The following ITGA9 variants were observed in gnomAD, a reference collection of about 807,000 sequenced individuals.
ITGA9 encodes integrin alpha-9.
In ITGA9, 56 loss-of-function variants were observed where a neutral mutation model predicts 127.8. That is an observed-to-expected ratio of 0.44 (90% CI 0.35 to 0.55). The LOEUF (loss-of-function observed/expected upper bound fraction) is 0.55. ITGA9 is among the 20% of genes least tolerant of loss of function. ITGA9 has a pLI of 0.00. For missense variants in ITGA9, 1,196 were observed against 1,347.1 expected, an observed-to-expected ratio of 0.89 and a Z score of 1.76; for synonymous variants, 508 against 514.5, an observed-to-expected ratio of 0.99 and a Z score of 0.17.
chr3:37,675,255 A>G (rs1386056561), intron 17 of ITGA9, among the ~76,000 whole-genome samples: 2 of 152,084 alleles, frequency 1.3e-5, no homozygotes, highest in Non-Finnish European at 2.9e-5. Context: ...CCCTCATCCC[A>G]CAAATGGGAT....
chr3:37,481,589 C>A lies in ITGA9; in HGVS notation c.526C>A (p.Leu176Met). ...PSNLQAKGRT[L>M]IPCYEEYKKK... ...CAACCTCCAGGCCAAAGGCAGGACGCTGATCCCTTGCTATGAAGGTGAGCA... is the reference window on the plus strand; with the variant it reads ...CAACCTCCAGGCCAAAGGCAGGACGATGATCCCTTGCTATGAAGGTGAGCA... The change falls in exon 4 of 28, where the codon CTG becomes ATG. Residue 176 changes from leucine (L) to methionine (M), a missense_variant. By Grantham distance (15) the Leu-to-Met change is conservative. Coordinates refer to ENST00000264741, the MANE Select transcript of ITGA9 (RefSeq NM_002207.3). 1.2e-6 allele frequency: 2 copies of A among 1,614,226 alleles called. No homozygotes were observed. Among genetic ancestry groups the A allele is most frequent in the Non-Finnish European group, 1.7e-6 (2 of 1,180,024 alleles).
At chr3:37,654,224 A>ACACACACC (rs1167356893) in intron 17 of ITGA9, among the ~76,000 whole-genome samples, 6 of 151,392 alleles carry the variant, frequency 4.0e-5, no homozygotes, top group Admixed American at 1.3e-4. Flanking sequence ...ACACACACAC[A>ACACACACC]CACACACTAG....
At chr3:37,721,680 G>A (rs1032085855) in intron 18 of ITGA9, among the ~76,000 whole-genome samples, 3 of 152,188 alleles carry the variant, frequency 2.0e-5, no homozygotes, top group Admixed American at 6.5e-5. Context: ...TGGTTCCCTC[G>A]GAGTGTTCGT....
chr3:37,609,230 G>A (rs1215595123), intron 15 of ITGA9, among the ~76,000 whole-genome samples: 2 of 151,998 alleles, frequency 1.3e-5, no homozygotes, highest in African/African-American at 2.4e-5. Flanking sequence ...TCTATAGAAT[G>A]TTCTACCCTT....
At chr3:37,459,188 A>G (rs1163305454) in intron 1 of ITGA9, among the ~76,000 whole-genome samples, 1 of 152,254 alleles carries the variant, frequency 6.6e-6, no homozygotes, top group Non-Finnish European at 1.5e-5. Context: ...TATTCAGTAG[A>G]TGTCAAGTGC....
intron 10 of ITGA9, among the ~76,000 whole-genome samples, chr3:37,517,990 T>C (rs12054441): frequency 0.052 from 7,942 of 152,282 alleles, 270 homozygotes; most frequent in East Asian, 0.095. Flanking sequence ...TGCTCCATCA[T>C]GCTCTACCAT....
chr3:37,495,917 A>G (rs986483477), intron 5 of ITGA9, among the ~76,000 whole-genome samples: 1 of 152,170 alleles, frequency 6.6e-6, no homozygotes, highest in Non-Finnish European at 1.5e-5. Context: ...TTCCCAGTCC[A>G]TGGAGGATTA....
At chr3:37,484,426 G>C (rs1698588846) in intron 4 of ITGA9, among the ~76,000 whole-genome samples, 1 of 152,136 alleles carries the variant, frequency 6.6e-6, no homozygotes, top group Non-Finnish European at 1.5e-5. Context: ...TCCCTGTTTT[G>C]TGGTTTAAAC....
intron 15 of ITGA9, among the ~76,000 whole-genome samples, chr3:37,567,794 A>G (rs1182841439): frequency 6.6e-6 from 1 of 152,222 alleles, no homozygotes; most frequent in Admixed American, 6.5e-5. Flanking sequence ...GATGCAAAAG[A>G]TAGGCTCCCA....
chr3:37,708,469 G>A (rs13318310), intron 18 of ITGA9, among the ~76,000 whole-genome samples: 67,081 of 152,074 alleles, frequency 0.44, 15,136 homozygotes, highest in South Asian at 0.57. Flanking sequence ...GAGAGTGGGC[G>A]TTTTTGCAAA....
At chr3:37,605,776 A>T (rs546486357) in intron 15 of ITGA9, among the ~76,000 whole-genome samples, 3 of 152,262 alleles carry the variant, frequency 2.0e-5, no homozygotes, top group African/African-American at 7.2e-5. Context: ...GACTAAAAAG[A>T]TGCTTTTGTT....
At chr3:37,802,113 T>C (rs1396937511) in intron 26 of ITGA9, among the ~76,000 whole-genome samples, 4 of 152,112 alleles carry the variant, frequency 2.6e-5, no homozygotes, top group Non-Finnish European at 4.4e-5. Context: ...GACTGTGCAT[T>C]TGAACTACAC....
chr3:37,453,459 A>AG (rs376129883), intron 1 of ITGA9, among the ~76,000 whole-genome samples: 7 of 152,116 alleles, frequency 4.6e-5, no homozygotes, highest in Non-Finnish European at 8.8e-5. Flanking sequence ...AGAAGCACTA[A>AG]GGGGGGGTTG....
At chr3:37,453,936 A>C (rs1698230444) in intron 1 of ITGA9, among the ~76,000 whole-genome samples, 1 of 152,198 alleles carries the variant, frequency 6.6e-6, no homozygotes, top group Non-Finnish European at 1.5e-5. Context: ...GCTGGGTATA[A>C]GACCGAGTGT....
chr3:37,606,052 C>T (rs964894131), intron 15 of ITGA9, among the ~76,000 whole-genome samples: 7 of 152,176 alleles, frequency 4.6e-5, no homozygotes, highest in Non-Finnish European at 8.8e-5. Context: ...CAGTGGTGCT[C>T]GCTAGTCCGG....
At chr3:37,767,124 C>T (rs1430742570) in intron 23 of ITGA9, among the ~76,000 whole-genome samples, 1 of 152,204 alleles carries the variant, frequency 6.6e-6, no homozygotes, top group African/African-American at 2.4e-5. Flanking sequence ...GATGCAGGGG[C>T]ATTGTTTTAG....
chr3:37,549,202 T>C (rs946667452), intron 15 of ITGA9, among the ~76,000 whole-genome samples: 1 of 152,224 alleles, frequency 6.6e-6, no homozygotes, highest in Non-Finnish European at 1.5e-5. Context: ...ATGTTCAGCA[T>C]GGGAGCTGAT....
chr3:37,487,286 T>C (rs1698619718), intron 4 of ITGA9, among the ~76,000 whole-genome samples: 1 of 152,154 alleles, frequency 6.6e-6, no homozygotes, highest in Admixed American at 6.5e-5. Flanking sequence ...TTGTACATTA[T>C]GGCCAGTTAA....
At chr3:37,542,317 G>T in intron 14 of ITGA9, 108 bp from the exon 15 acceptor site, 2 of 1,177,286 alleles carry the variant, frequency 1.7e-6, no homozygotes, top group South Asian at 1.2e-5. Context: ...GCCATGGAAG[G>T]GTAGGTATCA....
Sources: allele counts gnomAD v4.1 joint callset (sites outside exome capture counted in the v4.1 genomes callset), GRCh38; gene constraint gnomAD v4.1.1; transcripts MANE v1.5; gene names NCBI Gene and HGNC (gene_info 2026-07-23, HGNC 2026-07-21).